Variants in TENM1 observed in about 807,000 individuals in gnomAD.
The protein encoded by TENM1 is teneurin-1.
A neutral mutation model predicts 174.8 loss-of-function variants in TENM1; 35 were observed. That is an observed-to-expected ratio of 0.20 (90% CI 0.15 to 0.27). The LOEUF is 0.27. TENM1 is among the 10% of genes least tolerant of loss of function. The pLI is 1.00. For synonymous variants in TENM1, 781 were observed against 798.7 expected, an observed-to-expected ratio of 0.98 and a Z score of 0.37; for missense variants, 1,633 against 2,130.1, an observed-to-expected ratio of 0.77 and a Z score of 4.59.
At chrX:124,505,726 T>C (rs2047433053) in intron 18 of TENM1, among the ~76,000 whole-genome samples, 1 of 111,462 alleles carries the variant, frequency 9.0e-6, no homozygotes. Context: ...ATTAAAGTTA[T>C]GGACATTCTT....
At chrX:124,751,255 T>C (rs1047202151) in intron 3 of TENM1, among the ~76,000 whole-genome samples, 2 of 112,031 alleles carry the variant, frequency 1.8e-5, no homozygotes, top group Admixed American at 9.5e-5. Context: ...CTGGCATTCA[T>C]GATGACCATC....
At chrX:124,537,177 G>A (rs139860900) in intron 15 of TENM1, among the ~76,000 whole-genome samples, 27 of 110,954 alleles carry the variant, frequency 2.4e-4, no homozygotes, top group African/African-American at 7.9e-4. Context: ...ACCTCTCCCC[G>A]GTTACCTCAC....
intron 14 of TENM1, among the ~76,000 whole-genome samples, chrX:124,560,684 T>C (rs2048799516): frequency 8.9e-6 from 1 of 112,051 alleles, no homozygotes; most frequent in African/African-American, 3.2e-5. Flanking sequence ...AAGCCATGAC[T>C]GCTACCTTAT....
At chrX:124,707,438 G>T (rs1464116294) in intron 4 of TENM1, among the ~76,000 whole-genome samples, 1 of 111,660 alleles carries the variant, frequency 9.0e-6, no homozygotes, top group Non-Finnish European at 1.9e-5. Flanking sequence ...ATTCCAGGCA[G>T]CAGTTTCACA....
intron 3 of TENM1, among the ~76,000 whole-genome samples, chrX:124,880,724 T>C (rs995534678): frequency 3.6e-5 from 4 of 111,902 alleles, no homozygotes; most frequent in African/African-American, 1.3e-4. Context: ...TTGAGAGGTT[T>C]TTAATTTTTT....
At position 124,693,001 on chromosome X, in the gene TENM1, T is replaced by G. The variant is rs548607096; in HGVS notation, c.1015+12012A>C. 4.1e-4 allele frequency among the ~76,000 whole-genome samples: 27 copies of G among 66,445 alleles called. 1 individual carries two copies. The South Asian group carries it at 0.02, about 49-fold the overall frequency. The allele number at this position is 66,445 out of a possible 115,157, so 57.7% of individuals were successfully genotyped here. A position where few individuals can be genotyped will look rare whatever the true frequency, so the allele number is the denominator to read the frequency against. ...CCAGCCTGGGCGACAAGAGTGAAAC[T>G]CCATCTCAAAAAAAAAAAAAAAAGA... On this transcript the variant is annotated intron_variant, in intron 5 of 31. Coordinates refer to ENST00000422452, the Ensembl canonical transcript of TENM1.
chrX:124,763,281 G>A (rs1294553076), intron 3 of TENM1, among the ~76,000 whole-genome samples: 1 of 111,379 alleles, frequency 9.0e-6, no homozygotes, highest in Non-Finnish European at 1.9e-5. Flanking sequence ...AATGGTACGA[G>A]GGAATGGCAG....
chrX:124,744,045 T>C (rs1336351579), intron 3 of TENM1, among the ~76,000 whole-genome samples: 2 of 111,823 alleles, frequency 1.8e-5, no homozygotes, highest in South Asian at 3.7e-4. Flanking sequence ...AACTGTGCTG[T>C]ACACTGTATT....
the TENM1 span, among the ~76,000 whole-genome samples, chrX:125,018,810 C>T: frequency 9.0e-6 from 1 of 111,423 alleles, no homozygotes. Flanking sequence ...GCCTTATTGA[C>T]AAGCATATCC....
intron 11 of TENM1, among the ~76,000 whole-genome samples, chrX:124,585,181 CA>C (rs1453788720): frequency 6.1e-4 from 68 of 111,330 alleles, no homozygotes; most frequent in African/African-American, 2.2e-3. Context: ...CTGCACCAAG[CA>C]GACTTAATAG....
At position 124,740,486 on chromosome X, in the gene TENM1, A is replaced by G. The variant is rs181955188; in HGVS notation, c.536-3289T>C. Among the ~76,000 whole-genome samples, 805 of 111,782 alleles carry G rather than the reference A, an allele frequency of 7.2e-3. 6 individuals are homozygous for G. Among genetic ancestry groups the G allele is most frequent in the Non-Finnish European group, 9.2e-3 (486 of 53,108 alleles). On this transcript the variant is annotated intron_variant, in intron 3 of 31. Transcript: ENST00000422452. ...CTTTGTCTAGTCATTTAGATTATCT[A>G]CGTATAATGCATATCCATATACATA...
chrX:125,026,997 C>A, the TENM1 span, among the ~76,000 whole-genome samples: 1 of 111,526 alleles, frequency 9.0e-6, no homozygotes, highest in Non-Finnish European at 1.9e-5. Context: ...TGGAAGTCTT[C>A]CCATTAAAAT....
the TENM1 span, among the ~76,000 whole-genome samples, chrX:125,118,491 G>C: frequency 3.7e-4 from 41 of 111,939 alleles, no homozygotes; most frequent in East Asian, 0.011. Context: ...TACACTGGGA[G>C]AAAGTGTTTG....
the TENM1 span, among the ~76,000 whole-genome samples, chrX:125,154,989 G>A: frequency 1.8e-5 from 2 of 111,738 alleles, no homozygotes; most frequent in South Asian, 3.8e-4. Flanking sequence ...AGCTCCCACA[G>A]CGTGGAAGGG....
At chrX:124,853,208 G>C (rs751289842) in intron 3 of TENM1, among the ~76,000 whole-genome samples, 1 of 111,501 alleles carries the variant, frequency 9.0e-6, no homozygotes, top group East Asian at 2.8e-4. Context: ...AGCAAGAAAA[G>C]AGAAAAGGAA....
upstream of TENM1, among the ~76,000 whole-genome samples, chrX:124,966,523 G>T (rs952659646): frequency 2.8e-5 from 3 of 108,609 alleles, no homozygotes; most frequent in East Asian, 8.6e-4. Flanking sequence ...TTAGCCGGGC[G>T]TGGTAGCGGG....
intron 23 of TENM1, among the ~76,000 whole-genome samples, chrX:124,438,666 C>T (rs961449008): frequency 5.4e-5 from 6 of 111,617 alleles, no homozygotes; most frequent in African/African-American, 2.0e-4. Context: ...TATTTTAAGG[C>T]CCCTGACAAC....
intron 1 of TENM1, among the ~76,000 whole-genome samples, chrX:124,943,641 A>G (rs956115098): frequency 1.8e-5 from 2 of 112,049 alleles, no homozygotes; most frequent in Non-Finnish European, 3.8e-5. Flanking sequence ...GCTAATGTCA[A>G]CTTTTTAATA....
chrX:124,457,063 T>C lies in TENM1; in HGVS notation c.3950-3572A>G, dbSNP rs184597240. On this transcript the variant is annotated intron_variant, in intron 22 of 31. Transcript: ENST00000422452. ...AGAGATCTCTGATATTACCACAAGG[T>C]TAGGCCGTGATGCAAGGCAGGTGGA... is the stretch of plus-strand genomic sequence containing the variant. Among the ~76,000 whole-genome samples, 214 of 112,064 alleles carry C rather than the reference T, an allele frequency of 1.9e-3. 2 individuals carry two copies. In the South Asian group the frequency reaches 0.027, roughly 14 times the overall value.
Sources: gnomAD v4.1 joint callset for allele counts (sites outside exome capture counted in the v4.1 genomes callset) on GRCh38, gnomAD v4.1.1 for gene constraint, MANE v1.5 for transcripts, NCBI Gene and HGNC (gene_info 2026-07-23, HGNC 2026-07-21) for gene names.